The following SEMA3D variants were observed in gnomAD, a reference collection of about 807,000 sequenced individuals.
The protein encoded by SEMA3D is semaphorin 3D.
A neutral mutation model predicts 100.1 loss-of-function variants in SEMA3D; 84 were observed. The ratio of observed to expected loss-of-function variants is 0.84; its 90% CI spans 0.70 to 1.01. The LOEUF is 1.01. SEMA3D is among the 50% of genes least tolerant of loss of function. The pLI is 0.00. For missense variants in SEMA3D, 875 were observed against 934.1 expected, an observed-to-expected ratio of 0.94 and a Z score of 0.82; for synonymous variants, 312 against 320.7, an observed-to-expected ratio of 0.97 and a Z score of 0.29.
chr7:85,185,210 C>T (rs1328503587), intron 1 of SEMA3D, among the ~76,000 whole-genome samples: 2 of 152,070 alleles, frequency 1.3e-5, no homozygotes, highest in Non-Finnish European at 2.9e-5. Context: ...CTCTGACCAC[C>T]CCTGCCCCCG....
At chr7:85,160,949 T>C (rs1318488558) in intron 1 of SEMA3D, among the ~76,000 whole-genome samples, 1 of 151,978 alleles carries the variant, frequency 6.6e-6, no homozygotes, top group African/African-American at 2.4e-5. Flanking sequence ...ACCCTAAAAT[T>C]AGGAAGTGAA....
chr7:85,108,138 T>C (rs978588448), intron 3 of SEMA3D, among the ~76,000 whole-genome samples: 3 of 152,148 alleles, frequency 2.0e-5, no homozygotes, highest in Non-Finnish European at 4.4e-5. Context: ...CTGGTATTTT[T>C]GCAATTATTT....
At chr7:85,032,083 A>T (rs552725616) in intron 12 of SEMA3D, among the ~76,000 whole-genome samples, 1 of 151,940 alleles carries the variant, frequency 6.6e-6, no homozygotes, top group East Asian at 1.9e-4. Context: ...GCAATATGAT[A>T]TTGGGAAAGT....
At chr7:85,225,612 T>C in the SEMA3D span, among the ~76,000 whole-genome samples, 1 of 152,178 alleles carries the variant, frequency 6.6e-6, no homozygotes, top group Non-Finnish European at 1.5e-5. Context: ...GTACATATCC[T>C]ATCTTAATTG....
At chr7:85,122,039 A>G (rs1789434008) in intron 2 of SEMA3D, 108 bp from the exon 3 acceptor site, 3 of 587,484 alleles carry the variant, frequency 5.1e-6, no homozygotes, top group Non-Finnish European at 8.7e-6. Flanking sequence ...TTGAACAATG[A>G]GAACACATGG....
intron 3 of SEMA3D, among the ~76,000 whole-genome samples, chr7:85,107,323 C>T (rs1211222950): frequency 6.6e-6 from 1 of 152,066 alleles, no homozygotes; most frequent in African/African-American, 2.4e-5. Flanking sequence ...CAAGGAGCAT[C>T]ATCTGGTAAA....
At chr7:85,174,045 A>G (rs1458038559) in intron 1 of SEMA3D, among the ~76,000 whole-genome samples, 1 of 152,182 alleles carries the variant, frequency 6.6e-6, no homozygotes, top group African/African-American at 2.4e-5. Context: ...GTGCTGAAAT[A>G]GCTGGGACCC....
intron 2 of SEMA3D, chr7:85,141,598 G>C: frequency 1.0e-6 from 1 of 983,720 alleles, no homozygotes; most frequent in African/African-American, 1.7e-5. Context: ...CCTTCTTTGT[G>C]ATCTCTATAA....
chr7:85,015,190 A>C lies in SEMA3D; in HGVS notation c.1572T>G (p.Asp524Glu), dbSNP rs781520825. 6.2e-7 allele frequency: 1 copy of C among 1,610,116 alleles called. No individual in the cohort carries two copies. The highest frequency in any genetic ancestry group is 1.3e-5 in the African/African-American group (1 of 74,814). The change falls in exon 16 of 19, where the codon GAT becomes GAG. Residue 524 changes from aspartate (D) to glutamate (E), a missense_variant. Coordinates refer to ENST00000284136, the MANE Select transcript of SEMA3D (RefSeq NM_001384900.1). ...KQQQLYIGSR[D>E]GLVQLSLHRC... ...TGTGCAAGGAGAGCTGAACCAATCC[A>C]TCTCGGGAACCAATGTACAATTGTT...
chr7:85,072,364 A>G (rs1168920363), intron 6 of SEMA3D, among the ~76,000 whole-genome samples: 3 of 152,186 alleles, frequency 2.0e-5, no homozygotes, highest in African/African-American at 7.2e-5. Flanking sequence ...TTCTTTACTT[A>G]GTGTCCACTA....
At chr7:85,159,921 G>A (rs1344074054) in intron 1 of SEMA3D, 2 of 984,858 alleles carry the variant, frequency 2.0e-6, no homozygotes, top group African/African-American at 3.5e-5. Context: ...AAGGAAGAGA[G>A]AATGACCAAC....
chr7:85,024,910 T>C (rs1030919685), intron 12 of SEMA3D, among the ~76,000 whole-genome samples: 3 of 151,958 alleles, frequency 2.0e-5, no homozygotes, highest in African/African-American at 7.3e-5. Context: ...CCAAGCAATG[T>C]ATGTAGGTAA....
intron 15 of SEMA3D, among the ~76,000 whole-genome samples, chr7:85,016,787 CTTT>C (rs35691304): frequency 4.5e-5 from 6 of 132,344 alleles, no homozygotes; most frequent in Admixed American, 7.8e-5. Flanking sequence ...TTTTCAATGG[CTTT>C]TTTTTTTTTT....
the SEMA3D span, among the ~76,000 whole-genome samples, chr7:85,230,499 A>G: frequency 2.0e-5 from 3 of 152,142 alleles, no homozygotes; most frequent in South Asian, 6.2e-4. Context: ...CCTCACTAAA[A>G]CAGTCAACGT....
At chr7:85,105,882 T>C (rs1306886994) in intron 3 of SEMA3D, among the ~76,000 whole-genome samples, 2 of 151,966 alleles carry the variant, frequency 1.3e-5, no homozygotes, top group East Asian at 3.9e-4. Flanking sequence ...GGTTGTGGAG[T>C]AGGAGTGTGG....
chr7:85,120,973 G>A lies in SEMA3D; in HGVS notation c.151+768C>T, dbSNP rs117783225. Among the ~76,000 whole-genome samples, 1,231 of 151,968 alleles carry A rather than the reference G, an allele frequency of 8.1e-3. 9 individuals carry two copies. Among genetic ancestry groups the A allele is most frequent in the Non-Finnish European group, 0.011 (759 of 67,944 alleles). On this transcript the variant is annotated intron_variant, in intron 3 of 18. Transcript: ENST00000284136. ...AATTTGCTTTTATTATTGGTATTTC[G>A]TTTGTCTATAAAATGTGATCTTAAA... is the stretch of plus-strand genomic sequence containing the variant.
At chr7:85,077,824 T>C (rs1787923882) in intron 5 of SEMA3D, among the ~76,000 whole-genome samples, 1 of 152,176 alleles carries the variant, frequency 6.6e-6, no homozygotes, top group Non-Finnish European at 1.5e-5. Flanking sequence ...TAAAAATTTT[T>C]ATGTCCTTAA....
At chr7:85,003,185 T>C (rs927638237) in intron 18 of SEMA3D, among the ~76,000 whole-genome samples, 2 of 152,142 alleles carry the variant, frequency 1.3e-5, no homozygotes, top group African/African-American at 2.4e-5. Flanking sequence ...TGGAATCATT[T>C]GTATACATGT....
intron 1 of SEMA3D, among the ~76,000 whole-genome samples, chr7:85,168,504 G>T (rs1364069705): frequency 6.6e-6 from 1 of 151,622 alleles, no homozygotes; most frequent in East Asian, 1.9e-4. Context: ...TACTCTTGTG[G>T]GAATGAAGAG....
Sources: gnomAD v4.1 joint callset for allele counts (sites outside exome capture counted in the v4.1 genomes callset) on GRCh38, gnomAD v4.1.1 for gene constraint, MANE v1.5 for transcripts, NCBI Gene and HGNC (gene_info 2026-07-23, HGNC 2026-07-21) for gene names.